Variants in PLCB1 observed in about 807,000 individuals in gnomAD.
PLCB1 encodes the protein phospholipase C beta 1.
In PLCB1, 46 loss-of-function variants were observed where a neutral mutation model predicts 161.8. The observed-to-expected ratio is 0.28, with a 90% confidence interval of 0.22 to 0.36. The LOEUF (loss-of-function observed/expected upper bound fraction) is 0.36. PLCB1 is among the 10% of genes least tolerant of loss of function. The probability of loss-of-function intolerance (pLI) is 1.00; values close to 1 mark genes in which losing one functional copy is unlikely to be tolerated. For synonymous variants in PLCB1, 517 were observed against 503.7 expected (o/e 1.03, Z -0.35); for missense variants, 1,016 against 1,472.5 (o/e 0.69, Z 5.07).
chr20:8,539,542 A>T (rs1027886743), intron 3 of PLCB1, among the ~76,000 whole-genome samples: 2 of 152,118 alleles, frequency 1.3e-5, no homozygotes, highest in Admixed American at 1.3e-4. Context: ...ACCTGACTTT[A>T]CTGTTATACT....
chr20:8,377,391 C>T (rs977876321), intron 3 of PLCB1, among the ~76,000 whole-genome samples: 1 of 152,156 alleles, frequency 6.6e-6, no homozygotes, highest in African/African-American at 2.4e-5. Flanking sequence ...ATGAAAATGA[C>T]TTGGGCTTTT....
chr20:8,360,876 GGCA>G (rs1986516284), intron 2 of PLCB1, among the ~76,000 whole-genome samples: 1 of 151,938 alleles, frequency 6.6e-6, no homozygotes, highest in East Asian at 1.9e-4. Context: ...GCAAACCTTT[GGCA>G]GAAAAAAAAT....
intron 31 of PLCB1, among the ~76,000 whole-genome samples, chr20:8,871,366 TGA>T (rs1403442535): frequency 1.3e-5 from 2 of 152,196 alleles, no homozygotes; most frequent in Admixed American, 1.3e-4. Flanking sequence ...GAGGAAGTGT[TGA>T]GAGCTTCTGC....
At position 8,132,726 on chromosome 20, in the gene PLCB1, C is replaced by T; in HGVS notation, c.75C>T (p.Gly25=). ...GCGTGTCCGACAGCCTCAAGAAGGG[C>T]ACCAAATTCGTCAAGTGGGATGATG... ...PVCVSDSLKK[G]TKFVKWDDDS... is the part of the protein sequence containing the mutation. The change falls in exon 1 of 32, where the codon GGC becomes GGT. Residue 25 remains glycine, a synonymous_variant. Coordinates refer to ENST00000338037, the MANE Select transcript of PLCB1 (RefSeq NM_015192.4). The surrounding 1 kb of genome is among the most constrained non-coding windows in gnomAD (Gnocchi z 5.2). 6.2e-7 allele frequency: 1 copy of T among 1,612,536 alleles called. No homozygotes were observed. The highest frequency in any genetic ancestry group is 8.5e-7 in the Non-Finnish European group (1 of 1,178,948).
chr20:8,140,134 C>T lies in PLCB1; in HGVS notation c.99+7384C>T, dbSNP rs2051387802. On this transcript the variant is annotated intron_variant, in intron 1 of 31. Coordinates refer to ENST00000338037, the MANE Select transcript of PLCB1 (RefSeq NM_015192.4). ...ACAAAGCTGGTGTTTTGTTTGGACC[C>T]CGGGAGTTCCTTCTTGATTTCTCAC... is the stretch of plus-strand genomic sequence containing the variant. 2.0e-5 allele frequency among the ~76,000 whole-genome samples: 3 copies of T among 152,122 alleles called. 1 individual carries two copies. The South Asian group carries it at 6.2e-4, about 32-fold the overall frequency.
At chr20:8,258,354 G>A (rs539528792) in intron 2 of PLCB1, among the ~76,000 whole-genome samples, 1 of 152,234 alleles carries the variant, frequency 6.6e-6, no homozygotes, top group East Asian at 1.9e-4. Flanking sequence ...GATTGATTGT[G>A]GAGCCTGCCT....
At chr20:8,771,794 A>G (rs1230475061) in intron 26 of PLCB1, among the ~76,000 whole-genome samples, 3 of 152,116 alleles carry the variant, frequency 2.0e-5, no homozygotes, top group Non-Finnish European at 4.4e-5. Flanking sequence ...ATCTCTCTTG[A>G]TATGCAATAA....
At chr20:8,784,659 A>G (rs1260077994) in intron 27 of PLCB1, among the ~76,000 whole-genome samples, 1 of 152,062 alleles carries the variant, frequency 6.6e-6, no homozygotes, top group African/African-American at 2.4e-5. Context: ...GGACATTTAC[A>G]TATTTTACAT....
chr20:8,163,724 G>A (rs142856664), intron 2 of PLCB1, among the ~76,000 whole-genome samples: 6 of 152,210 alleles, frequency 3.9e-5, no homozygotes, highest in East Asian at 3.9e-4. Flanking sequence ...CTGGGGCAGT[G>A]CAGCAGCTGC....
intron 2 of PLCB1, among the ~76,000 whole-genome samples, chr20:8,179,228 T>G (rs963238341): frequency 1.3e-5 from 2 of 152,220 alleles, no homozygotes; most frequent in African/African-American, 4.8e-5. Flanking sequence ...TTGGGCAGTA[T>G]GGCCAGTTTA....
chr20:8,149,163 T>C (rs2123030251), intron 1 of PLCB1, among the ~76,000 whole-genome samples: 1 of 152,350 alleles, frequency 6.6e-6, no homozygotes, highest in Non-Finnish European at 1.5e-5. Flanking sequence ...TCCACTATAA[T>C]AATAATGAAC....
chr20:8,453,988 C>T (rs1420300098), intron 3 of PLCB1, among the ~76,000 whole-genome samples: 2 of 152,142 alleles, frequency 1.3e-5, no homozygotes, highest in Non-Finnish European at 2.9e-5. Context: ...TCAGAGCTCA[C>T]TCACTCTGTG....
intron 3 of PLCB1, among the ~76,000 whole-genome samples, chr20:8,536,967 C>T (rs1482501499): frequency 6.6e-6 from 1 of 152,138 alleles, no homozygotes; most frequent in Non-Finnish European, 1.5e-5. Flanking sequence ...ATAGAGCAAG[C>T]ATCTTCCCTA....
intron 31 of PLCB1, among the ~76,000 whole-genome samples, chr20:8,804,881 C>T (rs923133721): frequency 1.3e-5 from 2 of 151,754 alleles, no homozygotes. Context: ...ATCCCAGCTA[C>T]TCAGGAGGCT....
intron 2 of PLCB1, among the ~76,000 whole-genome samples, chr20:8,152,608 A>G (rs1053859134): frequency 8.5e-5 from 13 of 152,104 alleles, no homozygotes; most frequent in Non-Finnish European, 1.8e-4. Flanking sequence ...AATCTGCCAC[A>G]TGTACCATAG....
At chr20:8,185,527 T>A (rs898300760) in intron 2 of PLCB1, among the ~76,000 whole-genome samples, 1 of 151,306 alleles carries the variant, frequency 6.6e-6, no homozygotes, top group East Asian at 1.9e-4. Context: ...CCAGAAAGTG[T>A]GTGTAAAGAG....
chr20:8,146,494 C>T (rs956193274), intron 1 of PLCB1, among the ~76,000 whole-genome samples: 10 of 152,216 alleles, frequency 6.6e-5, no homozygotes, highest in Admixed American at 3.3e-4. Flanking sequence ...AGTTACTATT[C>T]AGTCAGGGAT....
rs11438137 is a variant in PLCB1 at position 8,854,266 on chromosome 20, A to AT, written c.3424-27347dup. On this transcript the variant is annotated intron_variant, in intron 31 of 31. Transcript: ENST00000338037. ...ATCAGGCAGACAGATCTCAGAGGGC[A>AT]TTTTTTTTTAGCACTGCCTAGAGCC... Among the ~76,000 whole-genome samples, 653 of 151,118 alleles carry AT rather than the reference A, an allele frequency of 4.3e-3. 8 individuals are homozygous for AT. The highest frequency in any genetic ancestry group is 0.014 in the African/African-American group (564 of 41,216).
chr20:8,191,357 T>G (rs2051968800), intron 2 of PLCB1, among the ~76,000 whole-genome samples: 1 of 152,044 alleles, frequency 6.6e-6, no homozygotes, highest in African/African-American at 2.4e-5. Flanking sequence ...ACAAATTCAC[T>G]GATTGTTTCT....
Sources: allele counts gnomAD v4.1 joint callset (sites outside exome capture counted in the v4.1 genomes callset), GRCh38; gene constraint gnomAD v4.1.1; non-coding constraint Gnocchi (gnomAD v3.1); transcripts MANE v1.5; gene names NCBI Gene and HGNC (gene_info 2026-07-23, HGNC 2026-07-21).